The following PRKCE variants were observed in gnomAD, a reference collection of about 807,000 sequenced individuals.
PRKCE encodes protein kinase C epsilon type.
In PRKCE, 16 loss-of-function variants were observed where a neutral mutation model predicts 85.4. The observed-to-expected ratio is 0.19, with a 90% CI of 0.13 to 0.28. PRKCE has a LOEUF of 0.28. Ranked by LOEUF, PRKCE falls within the 10% of genes least tolerant of loss-of-function variation. The pLI is 1.00. For missense variants in PRKCE, 573 were observed against 975.2 expected (o/e 0.59, Z 5.49); for synonymous variants, 388 against 371.5 (o/e 1.04, Z -0.51).
intron 2 of PRKCE, among the ~76,000 whole-genome samples, chr2:45,910,187 A>G (rs1697282763): frequency 6.6e-6 from 1 of 152,196 alleles, no homozygotes; most frequent in Non-Finnish European, 1.5e-5. Flanking sequence ...CCACTGCTAA[A>G]TTGCTGTTAA....
chr2:45,817,710 A>G (rs1325049463), intron 1 of PRKCE, among the ~76,000 whole-genome samples: 11 of 152,082 alleles, frequency 7.2e-5, no homozygotes, highest in Admixed American at 6.6e-4. Context: ...CAAAAAAAAA[A>G]CTTTCCAATC....
chr2:46,179,085 C>T (rs144733457), intron 14 of PRKCE, among the ~76,000 whole-genome samples: 84 of 152,216 alleles, frequency 5.5e-4, no homozygotes, highest in African/African-American at 1.8e-3. Context: ...GTTGCTGTCA[C>T]GCCAAGCAGA....
chr2:45,787,742 C>T (rs564290986), intron 1 of PRKCE, among the ~76,000 whole-genome samples: 9 of 152,240 alleles, frequency 5.9e-5, no homozygotes, highest in Admixed American at 1.3e-4. Flanking sequence ...GCTCAGGGTT[C>T]GCGATACAGG....
chr2:46,074,447 A>AAAAAAAAAAAAAAAAAAAAAAAAT (rs1668371461), intron 10 of PRKCE, among the ~76,000 whole-genome samples: 1 of 151,094 alleles, frequency 6.6e-6, no homozygotes, highest in Non-Finnish European at 1.5e-5. Flanking sequence ...AAAAAAAAAA[A>AAAAAAAAAAAAAAAAAAAAAAAAT]AGAAAAACAC....
chr2:45,819,710 T>A (rs2105325032), intron 1 of PRKCE, among the ~76,000 whole-genome samples: 1 of 152,302 alleles, frequency 6.6e-6, no homozygotes, highest in East Asian at 1.9e-4. Flanking sequence ...GGTGTGAAAC[T>A]GTTCAACTCA....
At chr2:45,798,113 C>G (rs1009336272) in intron 1 of PRKCE, among the ~76,000 whole-genome samples, 1 of 152,118 alleles carries the variant, frequency 6.6e-6, no homozygotes, top group Non-Finnish European at 1.5e-5. Flanking sequence ...TTTCTCCTGC[C>G]TTGATCTCAA....
chr2:46,107,553 C>G (rs1671845714), intron 11 of PRKCE, among the ~76,000 whole-genome samples: 1 of 152,298 alleles, frequency 6.6e-6, no homozygotes, highest in Non-Finnish European at 1.5e-5. Context: ...AACATGTTTT[C>G]CAATCAGTTG....
At chr2:46,090,780 G>A (rs1057494320) in intron 11 of PRKCE, among the ~76,000 whole-genome samples, 1 of 148,654 alleles carries the variant, frequency 6.7e-6, no homozygotes, top group Non-Finnish European at 1.5e-5. Context: ...ATATGAGGTT[G>A]ATGGAGAAGC....
chr2:45,891,517 T>C (rs1308708414), intron 2 of PRKCE, among the ~76,000 whole-genome samples: 1 of 152,130 alleles, frequency 6.6e-6, no homozygotes, highest in Non-Finnish European at 1.5e-5. Context: ...CCTGTGTCCT[T>C]TTCACCCCGT....
intron 10 of PRKCE, among the ~76,000 whole-genome samples, chr2:46,044,301 A>G (rs1382814752): frequency 6.6e-6 from 1 of 152,208 alleles, no homozygotes; most frequent in Non-Finnish European, 1.5e-5. Context: ...TGAAATAATT[A>G]AAGAGTGCCT....
At chr2:46,175,029 G>A (rs1679293364) in intron 14 of PRKCE, among the ~76,000 whole-genome samples, 1 of 151,988 alleles carries the variant, frequency 6.6e-6, no homozygotes, top group South Asian at 2.1e-4. Flanking sequence ...AGCCAGCAGG[G>A]CTAAAATTGC....
chr2:46,089,819 C>T (rs1423028810), intron 11 of PRKCE, among the ~76,000 whole-genome samples: 1 of 152,180 alleles, frequency 6.6e-6, no homozygotes, highest in Non-Finnish European at 1.5e-5. Context: ...CCTTTTGGCC[C>T]TTATCCCTAT....
chr2:46,081,156 T>C (rs1464927671), intron 10 of PRKCE, among the ~76,000 whole-genome samples: 1 of 151,920 alleles, frequency 6.6e-6, no homozygotes. Flanking sequence ...GATGCCTGGC[T>C]AACTTTTTAA....
intron 13 of PRKCE, among the ~76,000 whole-genome samples, chr2:46,156,981 A>G (rs533775514): frequency 1.3e-5 from 2 of 152,326 alleles, no homozygotes; most frequent in South Asian, 4.1e-4. Flanking sequence ...TGTGTTATAC[A>G]ATGGTAGGAA....
intron 1 of PRKCE, among the ~76,000 whole-genome samples, chr2:45,658,923 C>T (rs762777663): frequency 6.6e-5 from 10 of 152,166 alleles, no homozygotes; most frequent in Non-Finnish European, 1.3e-4. Flanking sequence ...CTAGAAGCTG[C>T]GGTCATTGTA....
At chr2:45,669,747 A>T (rs1291522615) in intron 1 of PRKCE, among the ~76,000 whole-genome samples, 1 of 152,228 alleles carries the variant, frequency 6.6e-6, no homozygotes, top group African/African-American at 2.4e-5. Flanking sequence ...ATGGTGGCTC[A>T]TGCCTGTAAT....
chr2:45,909,829 A>G (rs1356929894), intron 2 of PRKCE, among the ~76,000 whole-genome samples: 4 of 152,188 alleles, frequency 2.6e-5, no homozygotes, highest in African/African-American at 7.2e-5. Context: ...ATTCCAAGCC[A>G]CTGCCCATGA....
intron 10 of PRKCE, among the ~76,000 whole-genome samples, chr2:46,034,448 C>G (rs567391972): frequency 6.6e-6 from 1 of 152,326 alleles, no homozygotes; most frequent in South Asian, 2.1e-4. Context: ...TGTATTCTTC[C>G]TTGGTCGGAG....
chr2:45,936,550 C>T (rs1699475984), intron 2 of PRKCE, among the ~76,000 whole-genome samples: 1 of 152,148 alleles, frequency 6.6e-6, no homozygotes, highest in African/African-American at 2.4e-5. Flanking sequence ...ACATCCAAAA[C>T]ATTGACTAGT....
Sources: allele counts gnomAD v4.1 joint callset (sites outside exome capture counted in the v4.1 genomes callset), GRCh38; gene constraint gnomAD v4.1.1; transcripts MANE v1.5; gene names NCBI Gene and HGNC (gene_info 2026-07-23, HGNC 2026-07-21).